The following SLC12A5 variants were observed in gnomAD, a reference collection of about 807,000 sequenced individuals.
The protein encoded by SLC12A5 is solute carrier family 12 member 5.
Under a neutral mutation model 124.0 loss-of-function variants are expected in SLC12A5, and 18 were observed. The ratio of observed to expected loss-of-function variants is 0.15; its 90% CI spans 0.10 to 0.22. The LOEUF (loss-of-function observed/expected upper bound fraction) is 0.22, where lower values mean the gene tolerates loss of function less well. SLC12A5 is among the 10% of genes least tolerant of loss of function. The pLI is 1.00. For missense variants in SLC12A5, 867 were observed against 1,478.7 expected (o/e 0.59, Z 6.78); for synonymous variants, 589 against 568.0 (o/e 1.04, Z -0.53).
upstream of SLC12A5, among the ~76,000 whole-genome samples, chr20:46,026,833 G>A (rs936884098): frequency 6.6e-6 from 1 of 152,164 alleles, no homozygotes; most frequent in East Asian, 1.9e-4. Flanking sequence ...TCTAGTGAAG[G>A]TGGACAGATG....
At chr20:46,052,020 G>A in intron 18 of SLC12A5, 150 bp downstream of exon 18, 1 of 695,878 alleles carries the variant, frequency 1.4e-6, no homozygotes. Context: ...CAGCAGTCAA[G>A]GCTGGCCACG....
chr20:46,051,439 G>A (rs1416228229), intron 17 of SLC12A5, among the ~76,000 whole-genome samples: 2 of 152,040 alleles, frequency 1.3e-5, no homozygotes, highest in Non-Finnish European at 2.9e-5. Context: ...GCAGTGGGAG[G>A]GTGGCAGAAA....
rs1333486584 is a variant in SLC12A5, at chr20:46,057,653, C to T, written c.*48C>T. ...CCCGAGCGCGCCCGGCCCGCGGCTC[C>T]GGAGCCCTCGCCGCGCCCCCCGCCG... On this transcript the variant is annotated 3_prime_UTR_variant, in exon 26 of 26. Transcript: ENST00000243964. This position sits in a 1 kb window ranked among gnomAD's most constrained non-coding sequence, Gnocchi z 7.1. 3.5e-6 allele frequency: 5 copies of T among 1,445,120 alleles called. No homozygotes were observed. The highest frequency in any genetic ancestry group is 3.8e-6 in the Non-Finnish European group (4 of 1,054,524). The allele number at this position is 1,445,120 out of a possible 1,614,324, so 89.5% of individuals were successfully genotyped here.
chr20:46,047,071 G>T (rs1028372027), intron 14 of SLC12A5, among the ~76,000 whole-genome samples: 4 of 152,248 alleles, frequency 2.6e-5, no homozygotes, highest in Admixed American at 2.0e-4. Context: ...TAGAACCAGG[G>T]CTGCCCACTC....
At chr20:46,036,677 G>A (rs1428804386) in intron 4 of SLC12A5, 64 bp from the exon 5 acceptor site, 17 of 1,585,616 alleles carry the variant, frequency 1.1e-5, no homozygotes, top group Non-Finnish European at 1.4e-5. Context: ...ATAAGGCTTG[G>A]CCCCCACCCA....
At chr20:46,052,265 T>C (rs2084653159) in intron 18 of SLC12A5, among the ~76,000 whole-genome samples, 1 of 152,242 alleles carries the variant, frequency 6.6e-6, no homozygotes. Flanking sequence ...GGTAATAGTA[T>C]ATATAATAAC....
At chr20:46,042,339 AGGGGT>A (rs1287637109) in intron 8 of SLC12A5, among the ~76,000 whole-genome samples, 1 of 152,238 alleles carries the variant, frequency 6.6e-6, no homozygotes, top group South Asian at 2.1e-4. Context: ...GATGGGTTAA[AGGGGT>A]GAGAGGAGAG....
rs1194610111 is a variant in SLC12A5 at position 46,051,060 on chromosome 20, G to T, written c.2182-615G>T. 2.0e-5 allele frequency among the ~76,000 whole-genome samples: 3 copies of T among 152,198 alleles called. No individual in the cohort carries two copies. The East Asian group carries it at 5.8e-4, about 29-fold the overall frequency. Reference sequence around the variant, plus strand: ...TGTTTGACTTAGGGGTGGTGGTTAAGAGTGTGGGGGTTGGAGTCAGACTTC... The same window carrying T: ...TGTTTGACTTAGGGGTGGTGGTTAATAGTGTGGGGGTTGGAGTCAGACTTC... On this transcript the variant is annotated intron_variant, in intron 17 of 25. Transcript: ENST00000243964.
exon 2 of SLC12A5, chr20:46,023,038 C>T (rs1189935889): frequency 2.5e-6 from 1 of 399,770 alleles, no homozygotes; most frequent in Non-Finnish European, 4.4e-6. Flanking sequence ...GGAGAAGCCT[C>T]CCCAGACCGC....
rs145327140 is a variant in SLC12A5 at position 46,035,836 on chromosome 20, C to T, written c.339C>T (p.Gly113=). 28 of 1,614,112 alleles carry T rather than the reference C, an allele frequency of 1.7e-5. No individual in the cohort carries two copies. The highest frequency in any genetic ancestry group is 3.3e-5 in the South Asian group (3 of 91,072). ...TGCCGTGCCTGCAGAACATCTTTGG[C>T]GTCATCCTCTTCCTGCGGCTCACCT... is the stretch of plus-strand genomic sequence containing the variant. ...VYLPCLQNIF[G]VILFLRLTWV... The change falls in exon 4 of 26, where the codon GGC becomes GGT. Residue 113 remains glycine (G), a synonymous_variant. Transcript: ENST00000243964.
At chr20:46,051,605 G>T in intron 17 of SLC12A5, 70 bp from the exon 18 acceptor site, 1 of 1,427,944 alleles carries the variant, frequency 7.0e-7, no homozygotes, top group East Asian at 2.4e-5. Flanking sequence ...GGGAGGGAAG[G>T]AGGCTACAAT....
In SLC12A5 at chr20:46,041,154, G is replaced by A. The variant is rs1202923187; in HGVS notation, c.855-175G>A. ...TTGGCTGCTTATTAGAATCACTTGG[G>A]GAGCTTAAGAAAAAAAAAAAAAAGC... On this transcript the variant is annotated intron_variant, in intron 7 of 25. Transcript: ENST00000243964. The A allele has an allele frequency of 5.4e-6, 3 of 551,738 alleles. No individual in the cohort carries two copies. The East Asian group carries it at 9.4e-5, about 17-fold the overall frequency. 34.2% of individuals were successfully genotyped at this position (551,738 alleles called of 1,614,324 possible).
upstream of SLC12A5, among the ~76,000 whole-genome samples, chr20:46,024,413 G>T (rs1164007967): frequency 6.6e-6 from 1 of 152,110 alleles, no homozygotes; most frequent in Non-Finnish European, 1.5e-5. Flanking sequence ...CTCCTCTCTG[G>T]CAGATCACTG....
In SLC12A5 at chr20:46,035,396, C is replaced by A; in HGVS notation, c.148-8C>A. 1 of 1,610,510 alleles carries A rather than the reference C, an allele frequency of 6.2e-7. No individual in the cohort carries two copies. The highest frequency in any genetic ancestry group is 1.1e-5 in the South Asian group (1 of 90,872). On this transcript the variant is annotated splice_region_variant and splice_polypyrimidine_tract_variant and intron_variant, in intron 2 of 25. Coordinates refer to ENST00000243964, the MANE Select transcript of SLC12A5 (RefSeq NM_020708.5). ...CAGCCTCCTAGCACTGACACCCTCC[C>A]TCCATAGGAGGAGATGGACACCAGC...
At chr20:46,037,222 G>T (rs746163714) in intron 5 of SLC12A5, 33 bp from the exon 6 acceptor site, 2 of 1,568,038 alleles carry the variant, frequency 1.3e-6, no homozygotes, top group Admixed American at 1.8e-5. Flanking sequence ...CAGTGCCCCC[G>T]ACCCTCTCGC....
In SLC12A5 at chr20:46,053,499, G is replaced by A. The variant is rs1222785155; in HGVS notation, c.2548-79G>A. 2.5e-6 allele frequency: 4 copies of A among 1,579,350 alleles called. No individual in the cohort carries two copies. Among genetic ancestry groups the A allele is most frequent in the Non-Finnish European group, 1.7e-6 (2 of 1,160,820 alleles). The stretch of plus-strand genomic sequence containing the variant: ...AGGAGTGGGTGGGAAGAGGGGAAGG[G>A]TGAGCGGACAGGGCCTGGCCCTGGA... On this transcript the variant is annotated intron_variant, in intron 19 of 25. Transcript: ENST00000243964. The surrounding 1 kb of genome is among the most constrained non-coding windows in gnomAD (Gnocchi z 4.7).
chr20:46,045,788 C>T lies in SLC12A5; in HGVS notation c.1570-90C>T. 1.0e-6 allele frequency: 1 copy of T among 990,922 alleles called. No individual in the cohort carries two copies. The highest frequency in any genetic ancestry group is 1.5e-5 in the South Asian group (1 of 68,260). The allele number at this position is 990,922 out of a possible 1,614,324, so 61.4% of individuals were successfully genotyped here. ...CTTCCTCCTCTTTGGTGATAGGATT[C>T]CTGCCTCTACTCCACTGGTTCCCGA... is the stretch of plus-strand genomic sequence containing the variant. On this transcript the variant is annotated intron_variant, in intron 12 of 25. Transcript: ENST00000243964. This position sits in a 1 kb window ranked among gnomAD's most constrained non-coding sequence, Gnocchi z 4.9.
chr20:46,044,258 C>A (rs1033594117), intron 11 of SLC12A5, among the ~76,000 whole-genome samples: 1 of 151,984 alleles, frequency 6.6e-6, no homozygotes, highest in African/African-American at 2.4e-5. Flanking sequence ...TCTGTGTTCC[C>A]TCCGAGATTC....
At chr20:46,040,853 T>C (rs1348590177) in intron 7 of SLC12A5, 1 of 593,114 alleles carries the variant, frequency 1.7e-6, no homozygotes, top group Non-Finnish European at 2.9e-6. Flanking sequence ...GCTGGTAGGG[T>C]GGACTTAGGA....
Sources: gnomAD v4.1 joint callset for allele counts (sites outside exome capture counted in the v4.1 genomes callset) on GRCh38, gnomAD v4.1.1 for gene constraint, Gnocchi (gnomAD v3.1) non-coding constraint, MANE v1.5 for transcripts, NCBI Gene and HGNC (gene_info 2026-07-23, HGNC 2026-07-21) for gene names.